The following CACNA1I variants were observed in gnomAD, a reference collection of about 807,000 sequenced individuals.
CACNA1I encodes the protein calcium voltage-gated channel subunit alpha1 I.
Under a neutral mutation model 201.6 loss-of-function variants are expected in CACNA1I, and 74 were observed. The observed-to-expected ratio is 0.37, with a 90% CI of 0.30 to 0.45. The LOEUF (loss-of-function observed/expected upper bound fraction) is 0.45. CACNA1I is among the 20% of genes least tolerant of loss of function. CACNA1I has a pLI of 1.00. For missense variants in CACNA1I, 2,346 were observed against 3,138.1 expected (o/e 0.75, Z 6.03); for synonymous variants, 1,431 against 1,345.2 (o/e 1.06, Z -1.40).
At chr22:39,636,902 G>A (rs757883635) in intron 5 of CACNA1I, among the ~76,000 whole-genome samples, 18 of 152,240 alleles carry the variant, frequency 1.2e-4, no homozygotes, top group Admixed American at 5.9e-4. Context: ...TTCCTGGGGC[G>A]TAACACGCAC....
Position 39,686,429 on chromosome 22 carries a change from C to T in CACNA1I, c.*24C>T. ...GAGGGTCGCAGGGGCCCCCGGCCGC[C>T]CACCGCCCGCCCCGTCTCACCTTCT... On this transcript the variant is annotated 3_prime_UTR_variant, in exon 37 of 37. Transcript: ENST00000402142. 8.2e-7 allele frequency: 1 copy of T among 1,220,014 alleles called. No homozygotes were observed. Among genetic ancestry groups the T allele is most frequent in the Non-Finnish European group, 1.0e-6 (1 of 974,446 alleles). 75.6% of individuals were successfully genotyped at this position (1,220,014 alleles called of 1,614,324 possible).
intron 3 of CACNA1I, among the ~76,000 whole-genome samples, chr22:39,609,616 G>A (rs56123210): frequency 0.028 from 4,195 of 152,240 alleles, 160 homozygotes; most frequent in African/African-American, 0.094. Context: ...TTTTCTTTCC[G>A]GGATCCTTCC....
Position 39,679,190 on chromosome 22 carries a change from C to T in CACNA1I, c.5139C>T (p.Phe1713=), listed in dbSNP as rs201636247. 192 of 1,591,478 alleles carry T rather than the reference C, an allele frequency of 1.2e-4. 1 individual carries two copies. Among genetic ancestry groups the T allele is most frequent in the Admixed American group, 1.9e-4 (11 of 56,940 alleles). The part of the protein sequence containing the change: ...QFVSPLYFVS[F]VLTAQFVLIN... Reference sequence around the variant, plus strand: ...TGTCGCCGCTGTACTTCGTGAGCTTCGTGCTCACCGCGCAGTTCGTGCTCA... The same window carrying T: ...TGTCGCCGCTGTACTTCGTGAGCTTTGTGCTCACCGCGCAGTTCGTGCTCA... The change falls in exon 32 of 37, where the codon TTC becomes TTT. Residue 1713 remains phenylalanine, a synonymous_variant. Transcript: ENST00000402142.
chr22:39,625,186 G>A (rs542292987), intron 4 of CACNA1I, among the ~76,000 whole-genome samples: 17 of 152,138 alleles, frequency 1.1e-4, no homozygotes, highest in Non-Finnish European at 1.9e-4. Flanking sequence ...GATTACAAGC[G>A]TGAGCCACCG....
At chr22:39,662,502 G>C in intron 17 of CACNA1I, 67 bp downstream of exon 17, 1 of 1,224,318 alleles carries the variant, frequency 8.2e-7, no homozygotes, top group Non-Finnish European at 1.1e-6. Flanking sequence ...TGCGGCCCCA[G>C]GAGGCGGGGC....
intron 4 of CACNA1I, among the ~76,000 whole-genome samples, chr22:39,622,379 G>T (rs895164649): frequency 6.6e-6 from 1 of 151,746 alleles, no homozygotes; most frequent in African/African-American, 2.4e-5. Flanking sequence ...GTAGGTGGAG[G>T]GGGAGGGCTG....
chr22:39,595,091 C>T (rs1019720527), intron 1 of CACNA1I, among the ~76,000 whole-genome samples: 26 of 149,116 alleles, frequency 1.7e-4, no homozygotes, highest in Non-Finnish European at 3.1e-4. Context: ...AGATCGAGAC[C>T]ATCTTGGCCA....
Position 39,679,436 on chromosome 22 carries a change from G to T in CACNA1I, c.5385G>T (p.Ser1795=). The T allele has an allele frequency of 7.0e-7, 1 of 1,418,980 alleles. No individual in the cohort carries two copies. Among genetic ancestry groups the T allele is most frequent in the Non-Finnish European group, 9.1e-7 (1 of 1,098,688 alleles). 87.9% of individuals were successfully genotyped at this position (1,418,980 alleles called of 1,614,324 possible). A position where few individuals can be genotyped will look rare whatever the true frequency, so the allele number is the denominator to read the frequency against. Reference sequence around the variant, plus strand: ...GCGGCTTGTGCCGGCGCTGCTACTCGCCTGCCCAGGTGGGCAGGGGCTGGA... The same window carrying T: ...GCGGCTTGTGCCGGCGCTGCTACTCTCCTGCCCAGGTGGGCAGGGGCTGGA... ...TEGGLCRRCY[S]PAQENLWLDS... is the part of the protein sequence containing the mutation. The change falls in exon 32 of 37, where the codon TCG becomes TCT. Residue 1795 remains serine, a synonymous_variant. Transcript: ENST00000402142.
Position 39,673,988 on chromosome 22 carries a change from A to G in CACNA1I, c.4809A>G (p.Thr1603=), listed in dbSNP as rs2146469044. The G allele has an allele frequency of 1.2e-6, 2 of 1,613,400 alleles. No individual in the cohort carries two copies. The highest frequency in any genetic ancestry group is 1.7e-6 in the Non-Finnish European group (2 of 1,179,862). ...ARVLKLLKMA[T]GMRALLDTVV... The stretch of plus-strand genomic sequence containing the variant: ...TGCTGAAGCTGTTGAAGATGGCCAC[A>G]GGAATGCGGGCCCTGCTGGACACGG... Residue 1603 remains threonine (T), a synonymous_variant, in exon 29 of 37, where the codon ACA becomes ACG. Transcript: ENST00000402142.
At chr22:39,597,265 G>T (rs1932913004) in intron 1 of CACNA1I, among the ~76,000 whole-genome samples, 1 of 152,186 alleles carries the variant, frequency 6.6e-6, no homozygotes, top group Admixed American at 6.5e-5. Context: ...AGCTCCTTGA[G>T]GCCTGACCTC....
At chr22:39,661,895 C>T in intron 16 of CACNA1I, 70 bp from the exon 17 acceptor site, 1 of 1,089,320 alleles carries the variant, frequency 9.2e-7, no homozygotes, top group Non-Finnish European at 1.3e-6. Context: ...TGCAGGCTGC[C>T]TTTGGGCACC....
At chr22:39,604,236 C>G (rs926469319) in intron 3 of CACNA1I, among the ~76,000 whole-genome samples, 2 of 152,178 alleles carry the variant, frequency 1.3e-5, no homozygotes, top group Non-Finnish European at 2.9e-5. Flanking sequence ...TCTTTCCTGT[C>G]TGCTCATATT....
In CACNA1I at chr22:39,659,849, G is replaced by T; in HGVS notation, c.2601G>T (p.Ala867=). The T allele has an allele frequency of 6.2e-7, 1 of 1,613,820 alleles. No individual in the cohort carries two copies. The highest frequency in any genetic ancestry group is 8.5e-7 in the Non-Finnish European group (1 of 1,179,860). The change falls in exon 14 of 37, where the codon GCG becomes GCT. Residue 867 remains alanine, a synonymous_variant. Transcript: ENST00000402142. This position sits in a 1 kb window ranked among gnomAD's most constrained non-coding sequence, Gnocchi z 4.3. ...CCATCCTGGTGGAGGGCTTCCAGGC[G>T]GAGGTGACTGTGGTCTTGGCAGAGG... ...LVAILVEGFQ[A]EGDANRSYSD... is the part of the protein sequence containing the mutation.
chr22:39,639,464 G>A (rs1252780467), intron 5 of CACNA1I, among the ~76,000 whole-genome samples: 1 of 152,092 alleles, frequency 6.6e-6, no homozygotes, highest in Non-Finnish European at 1.5e-5. Flanking sequence ...CGTTTTTGTG[G>A]TGATGTTCAT....
chr22:39,575,053 G>A (rs1399947021), intron 1 of CACNA1I, among the ~76,000 whole-genome samples: 4 of 152,240 alleles, frequency 2.6e-5, no homozygotes, highest in African/African-American at 9.6e-5. Context: ...GTGGGAAAGG[G>A]CCACTCGCCC....
intron 1 of CACNA1I, among the ~76,000 whole-genome samples, chr22:39,589,573 C>T (rs766644568): frequency 7.2e-5 from 11 of 152,340 alleles, no homozygotes; most frequent in Admixed American, 1.3e-4. Flanking sequence ...GGGATGCACA[C>T]GGGCACCTTC....
At position 39,676,767 on chromosome 22, in the gene CACNA1I, C is replaced by A. The variant is rs1277695557; in HGVS notation, c.4855-574C>A. On this transcript the variant is annotated intron_variant, in intron 29 of 36. Transcript: ENST00000402142. This position sits in a 1 kb window ranked among gnomAD's most constrained non-coding sequence, Gnocchi z 4.8. ...TGCTCTTGAAGATTTCCCAGACCAG[C>A]AGATGACAGTGACAGGGATAAGTGC... 6.6e-6 allele frequency among the ~76,000 whole-genome samples: 1 copy of A among 152,174 alleles called. No individual in the cohort carries two copies. Among genetic ancestry groups the A allele is most frequent in the Middle Eastern group, 3.2e-3 (1 of 316 alleles).
intron 10 of CACNA1I, among the ~76,000 whole-genome samples, chr22:39,657,588 C>G (rs1454393339): frequency 6.6e-6 from 1 of 152,216 alleles, no homozygotes; most frequent in Non-Finnish European, 1.5e-5. Context: ...GGTTCAAATC[C>G]TGGCCACACC....
chr22:39,633,236 CA>C (rs2146410776), intron 4 of CACNA1I, among the ~76,000 whole-genome samples: 1 of 152,236 alleles, frequency 6.6e-6, no homozygotes, highest in Non-Finnish European at 1.5e-5. Flanking sequence ...TCTTCTGGGC[CA>C]GGACCTGCTG....
Sources: gnomAD v4.1 joint callset for allele counts (sites outside exome capture counted in the v4.1 genomes callset) on GRCh38, gnomAD v4.1.1 for gene constraint, Gnocchi (gnomAD v3.1) non-coding constraint, MANE v1.5 for transcripts, NCBI Gene and HGNC (gene_info 2026-07-23, HGNC 2026-07-21) for gene names.